TMEM223: variants seen among roughly 807,000 people sequenced by gnomAD.
The protein encoded by TMEM223 is transmembrane protein 223.
In TMEM223, 14 loss-of-function variants were observed where a neutral mutation model predicts 14.1. The ratio of observed to expected loss-of-function variants is 0.99; its 90% CI spans 0.66 to 1.55. The LOEUF (loss-of-function observed/expected upper bound fraction) is 1.55. Among genes scored for constraint, TMEM223 ranks in the 40% most tolerant of loss-of-function variants. TMEM223 has a pLI of 0.00. For synonymous variants in TMEM223, 145 were observed against 120.5 expected (o/e 1.20, Z -1.33); for missense variants, 346 against 269.9 (o/e 1.28, Z -1.97).
Position 62,791,768 on chromosome 11 carries a change from G to A in TMEM223, c.227C>T (p.Pro76Leu). 6.4e-7 allele frequency: 1 copy of A among 1,566,404 alleles called. No homozygotes were observed. The highest frequency in any genetic ancestry group is 1.2e-5 in the South Asian group (1 of 85,162). The change falls in exon 1 of 2, where the codon CCT becomes CTT. Residue 76 changes from proline (P) to leucine (L), a missense_variant. Pro to Leu is a moderately conservative substitution (Grantham distance 98). Coordinates refer to ENST00000307366, the MANE Select transcript of TMEM223 (RefSeq NM_001080501.3). Reference protein sequence around the residue: ...AVSRPPVPVQPLDAEVPNRGP... With the variant: ...AVSRPPVPVQLLDAEVPNRGP... ...ACGATTTGGGACCTCCGCATCCAGAGGCTGCACCGGAACCGGGGGCCGGGA... is the reference window on the plus strand; with the variant it reads ...ACGATTTGGGACCTCCGCATCCAGAAGCTGCACCGGAACCGGGGGCCGGGA...
intron 1 of TMEM223, chr11:62,775,711 A>G: frequency 1.3e-6 from 2 of 1,522,566 alleles, no homozygotes; most frequent in Non-Finnish European, 1.8e-6. Flanking sequence ...GTGTTGGATC[A>G]CACTCCTGGG....
chr11:62,780,942 A>C (rs1188374551), intron 1 of TMEM223, among the ~76,000 whole-genome samples: 21 of 140,136 alleles, frequency 1.5e-4, no homozygotes, highest in African/African-American at 5.7e-4. Context: ...ATCTCAAAAA[A>C]AAAAAAAAAA....
intron 1 of TMEM223, among the ~76,000 whole-genome samples, chr11:62,779,666 TAAAAA>T (rs200285099): frequency 6.6e-6 from 1 of 151,144 alleles, no homozygotes; most frequent in African/African-American, 2.4e-5. Context: ...TTATTTTAAT[TAAAAA>T]AACATTTTTT....
rs1188396988 is a variant in TMEM223, at chr11:62,779,982, T to A, written c.315-5317A>T. Among the ~76,000 whole-genome samples the A allele has an allele frequency of 4.6e-5, 6 of 129,066 alleles. No homozygotes were observed. In the East Asian group the frequency reaches 7.6e-4, roughly 16 times the overall value. The allele number at this position is 129,066 out of a possible 152,430, so 84.7% of individuals were successfully genotyped here. A position where few individuals can be genotyped will look rare whatever the true frequency, so the allele number is the denominator to read the frequency against. ...TATATATATATATATATATATTTTT[T>A]TTTTTTTTTTTTTTAGAGACAGGGT... On this transcript the variant is annotated intron_variant, in intron 1 of 2. Transcript: ENST00000528367.
chr11:62,789,732 G>A (rs2084335885), downstream of TMEM223: 4 of 1,514,432 alleles, frequency 2.6e-6, no homozygotes, highest in Non-Finnish European at 3.5e-6. Flanking sequence ...TAGCTGTGTG[G>A]GTGCTCACCA....
intron 1 of TMEM223, chr11:62,778,958 A>T (rs367670990): frequency 9.3e-6 from 15 of 1,610,860 alleles, no homozygotes; most frequent in Non-Finnish European, 3.4e-6. Context: ...TCCGCAACTG[A>T]TGAAGGTGAG....
At chr11:62,787,393 G>T, downstream of TMEM223, 1 of 1,555,180 alleles carries the variant, frequency 6.4e-7, no homozygotes. Flanking sequence ...CTTTGGGCGG[G>T]GTGCTGCTGC....
intron 1 of TMEM223, among the ~76,000 whole-genome samples, chr11:62,775,217 A>C (rs988810656): frequency 6.6e-6 from 1 of 152,152 alleles, no homozygotes; most frequent in Non-Finnish European, 1.5e-5. Context: ...AGAAGTGCCG[A>C]GCAAAAGGGG....
intron 1 of TMEM223, chr11:62,778,012 C>T: frequency 6.2e-7 from 1 of 1,614,168 alleles, no homozygotes; most frequent in Non-Finnish European, 8.5e-7. Flanking sequence ...GAGGCACTGC[C>T]CATGCGCCCC....
intron 1 of TMEM223, chr11:62,779,102 C>T (rs145037175): frequency 4.6e-6 from 3 of 658,310 alleles, no homozygotes; most frequent in Non-Finnish European, 7.8e-6. Context: ...CTCACCGCAC[C>T]CTCTGCCTCC....
At chr11:62,778,160 TG>T in intron 1 of TMEM223, 1 of 1,613,916 alleles carries the variant, frequency 6.2e-7, no homozygotes, top group South Asian at 1.1e-5. Flanking sequence ...GGGTTGGGGA[TG>T]GGAGTTGGGC....
intron 1 of TMEM223, chr11:62,781,850 CA>C (rs2084232172): frequency 6.4e-7 from 1 of 1,555,268 alleles, no homozygotes; most frequent in Non-Finnish European, 8.9e-7. Flanking sequence ...TCATGTTTTA[CA>C]ATTTTCTGGT....
At chr11:62,782,633 G>A (rs2084238856), downstream of TMEM223, 1 of 1,593,512 alleles carries the variant, frequency 6.3e-7, no homozygotes. Context: ...GTGTTGTCTT[G>A]TGCCCTGTTG....
downstream of TMEM223, chr11:62,786,172 G>T: frequency 6.6e-7 from 1 of 1,505,962 alleles, no homozygotes; most frequent in Middle Eastern, 2.0e-4. Context: ...TAGGATCAGA[G>T]ATAAAGGTAG....
chr11:62,778,665 A>C, intron 1 of TMEM223: 1 of 614,282 alleles, frequency 1.6e-6, no homozygotes, highest in Non-Finnish European at 2.9e-6. Context: ...GGGTGGGTGG[A>C]AGACAGGACA....
downstream of TMEM223, among the ~76,000 whole-genome samples, chr11:62,784,306 A>G (rs2134722280): frequency 8.4e-6 from 1 of 118,780 alleles, no homozygotes; most frequent in South Asian, 2.7e-4. Context: ...TATATTCTTA[A>G]TTTTTTTTTT....
intron 1 of TMEM223, chr11:62,775,851 G>A: frequency 6.2e-7 from 1 of 1,613,740 alleles, no homozygotes; most frequent in Admixed American, 1.7e-5. Context: ...ATGGCGGAGA[G>A]CACGGGCCTG....
downstream of TMEM223, chr11:62,789,322 C>T: frequency 1.2e-6 from 2 of 1,614,062 alleles, no homozygotes; most frequent in Non-Finnish European, 1.7e-6. Flanking sequence ...TTGCACTGGC[C>T]ATCTCAGCTA....
chr11:62,786,985 G>C (rs1565191470), downstream of TMEM223: 2 of 1,456,500 alleles, frequency 1.4e-6, no homozygotes, highest in Non-Finnish European at 1.8e-6. Flanking sequence ...CGCCGCCTCT[G>C]AGAGCAGGCC....
Sources: allele counts gnomAD v4.1 joint callset (sites outside exome capture counted in the v4.1 genomes callset), GRCh38; gene constraint gnomAD v4.1.1; transcripts MANE v1.5; gene names NCBI Gene and HGNC (gene_info 2026-07-23, HGNC 2026-07-21).